Variants in SMG6 observed in about 807,000 individuals in gnomAD.
SMG6 encodes telomerase-binding protein EST1A.
In SMG6, 66 loss-of-function variants were observed where a neutral mutation model predicts 142.2. The ratio of observed to expected loss-of-function variants is 0.46; its 90% CI spans 0.38 to 0.57. The LOEUF is 0.57. Ranked by LOEUF, SMG6 falls within the 20% of genes least tolerant of loss-of-function variation. The probability of loss-of-function intolerance (pLI) is 0.00; values close to 1 mark genes in which losing one functional copy is unlikely to be tolerated. For missense variants in SMG6, 1,793 were observed against 1,832.0 expected (o/e 0.98, Z 0.39); for synonymous variants, 779 against 702.4 (o/e 1.11, Z -1.72).
intron 10 of SMG6, among the ~76,000 whole-genome samples, chr17:2,221,753 C>CT (rs940503521): frequency 3.9e-5 from 6 of 152,118 alleles, no homozygotes; most frequent in Admixed American, 2.0e-4. Flanking sequence ...ACAGATTATT[C>CT]TTTTTTTTGA....
At position 2,268,701 on chromosome 17, in the gene SMG6, G is replaced by A. The variant is rs1041402526; in HGVS notation, c.2661+13946C>T. ...CCGAGGTGGGCGGATCACAAGGTAA[G>A]GAGATCGAGACCATCCTGGCTAATA... is the stretch of plus-strand genomic sequence containing the variant. On this transcript the variant is annotated intron_variant, in intron 8 of 18. Coordinates refer to ENST00000263073, the MANE Select transcript of SMG6 (RefSeq NM_017575.5). Among the ~76,000 whole-genome samples the A allele has an allele frequency of 2.6e-4, 40 of 152,176 alleles. 1 individual carries two copies. Among genetic ancestry groups the A allele is most frequent in the Non-Finnish European group, 3.8e-4 (26 of 68,034 alleles).
rs533631900 is a variant in SMG6, at chr17:2,168,729, A to G, written c.3357+3929T>C. On this transcript the variant is annotated intron_variant, in intron 13 of 18. Coordinates refer to ENST00000263073, the MANE Select transcript of SMG6 (RefSeq NM_017575.5). The stretch of plus-strand genomic sequence containing the variant: ...CCGTCTCTATTAAAAAACAACAAAA[A>G]AAGTTTTTTTTGTTTTGTGTTGTTT... Among the ~76,000 whole-genome samples, 19 of 151,748 alleles carry G rather than the reference A, an allele frequency of 1.3e-4. No individual in the cohort carries two copies. In the East Asian group the frequency reaches 3.2e-3, roughly 25 times the overall value.
chr17:2,069,714 G>A lies in SMG6; in HGVS notation c.3682-783C>T, dbSNP rs57323271. On this transcript the variant is annotated intron_variant, in intron 15 of 18. Transcript: ENST00000263073. ...TCTCCTGCAGCAGCAGCCGAAGTCC[G>A]TGCAATGTGATGAATTAAGACTCAA... Among the ~76,000 whole-genome samples, 322 of 152,294 alleles carry A rather than the reference G, an allele frequency of 2.1e-3. 2 individuals carry two copies. The highest frequency in any genetic ancestry group is 7.0e-3 in the African/African-American group (290 of 41,550).
At chr17:2,231,863 G>A (rs2073506295) in intron 10 of SMG6, among the ~76,000 whole-genome samples, 1 of 152,250 alleles carries the variant, frequency 6.6e-6, no homozygotes, top group South Asian at 2.1e-4. Context: ...GGGCTTCTCT[G>A]CAAAGCTAAA....
At chr17:2,087,684 T>G (rs2068602346) in intron 13 of SMG6, 1 of 988,708 alleles carries the variant, frequency 1.0e-6, no homozygotes, top group South Asian at 4.6e-5. Context: ...TTGCGTGTAT[T>G]CAAACATGTG....
At chr17:2,284,752 TAG>T (rs1168388416) in intron 6 of SMG6, among the ~76,000 whole-genome samples, 1 of 152,188 alleles carries the variant, frequency 6.6e-6, no homozygotes, top group African/African-American at 2.4e-5. Context: ...CACGTTAACC[TAG>T]AGAGGTTTCC....
At chr17:2,167,857 A>G (rs1038547107) in intron 13 of SMG6, among the ~76,000 whole-genome samples, 1 of 152,196 alleles carries the variant, frequency 6.6e-6, no homozygotes, top group Admixed American at 6.5e-5. Flanking sequence ...GGAAATGTTT[A>G]TATTTTTCAA....
At position 2,087,206 on chromosome 17, in the gene SMG6, T is replaced by C. The variant is rs767880579; in HGVS notation, c.3358-1305A>G. 1.2e-5 allele frequency: 16 copies of C among 1,290,420 alleles called. 1 individual carries two copies. The South Asian group carries it at 1.9e-4, about 15-fold the overall frequency. 79.9% of individuals were successfully genotyped at this position (1,290,420 alleles called of 1,614,324 possible). ...TGGCAAGAATTGTAAGGACAAGCTG[T>C]GCACACAGTAGGCTCACAGTAAAGA... is the stretch of plus-strand genomic sequence containing the variant. On this transcript the variant is annotated intron_variant, in intron 13 of 18. Transcript: ENST00000263073.
At chr17:2,082,324 G>C (rs2068447727) in intron 14 of SMG6, 1 of 195,004 alleles carries the variant, frequency 5.1e-6, no homozygotes, top group Non-Finnish European at 1.1e-5. Context: ...TGATTCAAGA[G>C]GGAAACAACA....
At chr17:2,217,080 T>TATTC (rs1330829780) in intron 10 of SMG6, among the ~76,000 whole-genome samples, 2 of 152,202 alleles carry the variant, frequency 1.3e-5, no homozygotes, top group South Asian at 4.1e-4. Flanking sequence ...TTATTAAATG[T>TATTC]ATTCCATCCA....
At chr17:2,183,873 G>A (rs1453027285) in intron 12 of SMG6, among the ~76,000 whole-genome samples, 1 of 151,768 alleles carries the variant, frequency 6.6e-6, no homozygotes, top group East Asian at 1.9e-4. Flanking sequence ...AGACAGACAG[G>A]TAGGTAAAAG....
At chr17:2,234,568 T>C (rs2073595729) in intron 10 of SMG6, among the ~76,000 whole-genome samples, 1 of 152,186 alleles carries the variant, frequency 6.6e-6, no homozygotes, top group Non-Finnish European at 1.5e-5. Flanking sequence ...CGGCCTACCA[T>C]TATTTTCTTA....
intron 8 of SMG6, among the ~76,000 whole-genome samples, chr17:2,253,172 C>A (rs940672958): frequency 7.0e-6 from 1 of 143,536 alleles, no homozygotes; most frequent in Non-Finnish European, 1.5e-5. Flanking sequence ...GATGGAGTCT[C>A]GCTCTGTCAC....
chr17:2,075,671 T>C (rs981191421), intron 15 of SMG6, among the ~76,000 whole-genome samples: 1 of 152,210 alleles, frequency 6.6e-6, no homozygotes, highest in Non-Finnish European at 1.5e-5. Flanking sequence ...CCAAACCATG[T>C]ACCCTGCCCT....
intron 10 of SMG6, chr17:2,216,027 C>A (rs997293209): frequency 3.3e-5 from 5 of 152,366 alleles, no homozygotes; most frequent in Admixed American, 6.5e-5. Flanking sequence ...GTGCATCTCG[C>A]GCTCTCCCTC....
At chr17:2,244,623 T>C (rs1200717561) in intron 9 of SMG6, 35 bp downstream of exon 9, 2 of 1,541,510 alleles carry the variant, frequency 1.3e-6, no homozygotes, top group Non-Finnish European at 1.8e-6. Context: ...TGACTTGTAA[T>C]GTAGGAAAAT....
At chr17:2,268,605 G>A (rs781326610) in intron 8 of SMG6, among the ~76,000 whole-genome samples, 4 of 150,730 alleles carry the variant, frequency 2.7e-5, no homozygotes, top group African/African-American at 7.3e-5. Context: ...AAACCCCATC[G>A]CTACTTAAAA....
chr17:2,111,013 G>A (rs2069300087), intron 13 of SMG6, among the ~76,000 whole-genome samples: 2 of 152,294 alleles, frequency 1.3e-5, no homozygotes, highest in East Asian at 1.9e-4. Context: ...AGAGGAGCTC[G>A]TAGAGCCTCA....
At position 2,066,664 on chromosome 17, in the gene SMG6, C is replaced by CACACACACAG. The variant is rs1272643199; in HGVS notation, c.3836-986_3836-985insCTGTGTGTGT. On this transcript the variant is annotated intron_variant, in intron 16 of 18. Coordinates refer to ENST00000263073, the MANE Select transcript of SMG6 (RefSeq NM_017575.5). ...GCCCATGTGGGAATACACACACACA[C>CACACACACAG]ACACACACACACACACACACACACA... 2.7e-5 allele frequency among the ~76,000 whole-genome samples: 4 copies of CACACACACAG among 149,766 alleles called. No individual in the cohort carries two copies. The South Asian group carries it at 8.6e-4, about 32-fold the overall frequency.
Sources: gnomAD v4.1 joint callset for allele counts (sites outside exome capture counted in the v4.1 genomes callset) on GRCh38, gnomAD v4.1.1 for gene constraint, MANE v1.5 for transcripts, NCBI Gene and HGNC (gene_info 2026-07-23, HGNC 2026-07-21) for gene names.